The following MSH6 variants were observed in gnomAD, a reference collection of about 807,000 sequenced individuals.
MSH6 encodes the protein DNA mismatch repair protein Msh6.
A neutral mutation model predicts 119.1 loss-of-function variants in MSH6; 85 were observed. That is an observed-to-expected ratio of 0.71 (90% CI 0.60 to 0.85). The LOEUF is 0.85. Ranked by LOEUF, MSH6 falls within the 40% of genes least tolerant of loss-of-function variation. The pLI is 0.00. For synonymous variants in MSH6, 830 were observed against 586.9 expected (o/e 1.41, Z -5.99); for missense variants, 2,163 against 1,655.3 (o/e 1.31, Z -5.32).
chr2:47,804,054 AAATGAGG>A (rs1669796551), intron 5 of MSH6, among the ~76,000 whole-genome samples: 1 of 152,238 alleles, frequency 6.6e-6, no homozygotes. Flanking sequence ...GCAGAAATGC[AAATGAGG>A]TAAGAAAGCA....
intron 1 of MSH6, among the ~76,000 whole-genome samples, chr2:47,788,906 C>CTTTTTT (rs1491155839): frequency 0.019 from 303 of 15,806 alleles, 32 homozygotes; most frequent in South Asian, 0.043. Flanking sequence ...CTTTCTTCTT[C>CTTTTTT]CTTTTTTTTT....
At chr2:47,806,965 T>C, downstream of MSH6, 1 of 911,410 alleles carries the variant, frequency 1.1e-6, no homozygotes, top group Non-Finnish European at 1.8e-6. Context: ...CATTTTTCCA[T>C]TTTCTTTCTA....
rs3136326 is a variant in MSH6 at position 47,797,263 on chromosome 2, T to C, written c.627+1200T>C. 0.075 allele frequency among the ~76,000 whole-genome samples: 11,360 copies of C among 152,306 alleles called. 593 individuals are homozygous for C. The highest frequency in any genetic ancestry group is 0.11 in the Non-Finnish European group (7,649 of 68,030). On this transcript the variant is annotated intron_variant, in intron 3 of 9. Transcript: ENST00000234420. Reference sequence around the variant, plus strand: ...AGCTGCATCCTAAAAGACATTCATCTATAACTAAGCTCAGTTTCATGTTTT... The same window carrying C: ...AGCTGCATCCTAAAAGACATTCATCCATAACTAAGCTCAGTTTCATGTTTT...
chr2:47,798,825 G>T lies in MSH6; in HGVS notation c.842G>T (p.Gly281Val), dbSNP rs773445382. The T allele has an allele frequency of 6.2e-7, 1 of 1,614,198 alleles. No individual in the cohort carries two copies. The highest frequency in any genetic ancestry group is 8.5e-7 in the Non-Finnish European group (1 of 1,180,028). Residue 281 changes from glycine to valine, a missense_variant, in exon 4 of 10, where the codon GGA becomes GTA. Physicochemically the swap from Gly to Val is moderately radical, Grantham distance 109. Coordinates refer to ENST00000234420, the MANE Select transcript of MSH6 (RefSeq NM_000179.3). ...GGAAGCAGTGATGAAATAAGCAGTG[G>T]AGTGGGGGATAGTGAGAGTGAAGGC... The part of the protein sequence containing the change: ...EEGSSDEISS[G>V]VGDSESEGLN...
chr2:47,801,376 T>TTTG (rs1553330566), intron 4 of MSH6: 28 of 482,966 alleles, frequency 5.8e-5, no homozygotes, highest in African/African-American at 5.8e-4. Context: ...TTTTTTTTTT[T>TTTG]TTTTTTTTTT....
At chr2:47,792,509 T>G (rs1228949827) in intron 2 of MSH6, among the ~76,000 whole-genome samples, 1 of 152,188 alleles carries the variant, frequency 6.6e-6, no homozygotes, top group African/African-American at 2.4e-5. Context: ...ACTTGTTTTT[T>G]CTTTTAATCT....
At chr2:47,808,668 T>A (rs1379223072), downstream of MSH6, 1 of 402,794 alleles carries the variant, frequency 2.5e-6, no homozygotes, top group Non-Finnish European at 4.4e-6. Context: ...CTTTCCACTT[T>A]AAAAGCCTCT....
rs1275700361 is a variant in MSH6 at position 47,800,470 on chromosome 2, G to A, written c.2487G>A (p.Gly829=). ...TACTCAGTAAAATTCATAATGTTGG[G>A]TCTCCCCTGAAGAGTCAGAACCACC... ...ERLLSKIHNV[G]SPLKSQNHPD... The change falls in exon 4 of 10, where the codon GGG becomes GGA. Residue 829 remains glycine (G), a synonymous_variant. Transcript: ENST00000234420. 1 of 1,613,506 alleles carries A rather than the reference G, an allele frequency of 6.2e-7. No homozygotes were observed. The highest frequency in any genetic ancestry group is 1.7e-5 in the Admixed American group (1 of 59,958).
At position 47,800,641 on chromosome 2, in the gene MSH6, C is replaced by T. The variant is rs786201051; in HGVS notation, c.2658C>T (p.Ile886=). 1.4e-5 allele frequency: 23 copies of T among 1,614,024 alleles called. No individual in the cohort carries two copies. Among genetic ancestry groups the T allele is most frequent in the Non-Finnish European group, 1.9e-5 (23 of 1,180,030 alleles). The part of the protein sequence containing the change: ...EEVADGFKSK[I]LKQVISLQTK... ...TTGCTGATGGTTTTAAGTCTAAAAT[C>T]CTTAAGCAGGTCATCTCTCTGCAGA... The change falls in exon 4 of 10, where the codon ATC becomes ATT. Residue 886 remains isoleucine (I), a synonymous_variant. Transcript: ENST00000234420.
rs200447622 is a variant in MSH6 at position 47,799,629 on chromosome 2, C to G, written c.1646C>G (p.Ser549Cys). The change falls in exon 4 of 10, where the codon TCT (serine) becomes TGT (cysteine). Residue 549 changes from serine to cysteine, a missense_variant. Transcript: ENST00000234420. ...AGCCTCAAAGAAAAAGAGGAAGATTCTTCTGGCCATACTCGTGCATATGGT... is the reference window on the plus strand; with the variant it reads ...AGCCTCAAAGAAAAAGAGGAAGATTGTTCTGGCCATACTCGTGCATATGGT... ...LLSLKEKEED[S>C]SGHTRAYGVC... 1.9e-6 allele frequency: 3 copies of G among 1,613,966 alleles called. No individual in the cohort carries two copies. The highest frequency in any genetic ancestry group is 2.2e-5 in the East Asian group (1 of 44,892).
chr2:47,803,296 G>T, intron 4 of MSH6, 124 bp from the exon 5 acceptor site: 2 of 1,285,516 alleles, frequency 1.6e-6, no homozygotes, highest in East Asian at 2.4e-5. Flanking sequence ...GGGGGAGATC[G>T]TTGGACTGTA....
chr2:47,803,381 C>T (rs374524212), intron 4 of MSH6, 39 bp from the exon 5 acceptor site: 142 of 1,613,926 alleles, frequency 8.8e-5, no homozygotes, highest in Non-Finnish European at 1.1e-4. Context: ...ATAAAACCCC[C>T]AAACGATGAA....
chr2:47,800,108 T>G lies in MSH6; in HGVS notation c.2125T>G (p.Tyr709Asp), dbSNP rs1669423193. 1 of 1,614,178 alleles carries G rather than the reference T, an allele frequency of 6.2e-7. No individual in the cohort carries two copies. The highest frequency in any genetic ancestry group is 8.5e-7 in the Non-Finnish European group (1 of 1,180,030). ...TTTATCAATGGCTAATTTTGAAGAA[T>G]ATATTCCCTTGGATTCTGACACAGT... ...ELLSMANFEEYIPLDSDTVST... is the reference protein window; with the variant it reads ...ELLSMANFEEDIPLDSDTVST... The change falls in exon 4 of 10, where the codon TAT becomes GAT. Residue 709 changes from tyrosine to aspartate, a missense_variant. By Grantham distance (160) the Tyr-to-Asp change is radical. Transcript: ENST00000234420.
chr2:47,786,523 C>CA (rs1558647899), intron 1 of MSH6, among the ~76,000 whole-genome samples: 2 of 151,904 alleles, frequency 1.3e-5, no homozygotes, highest in African/African-American at 4.8e-5. Flanking sequence ...ATAGTAGAGA[C>CA]GGGTTTCACC....
chr2:47,791,021 T>G lies in MSH6; in HGVS notation c.355T>G (p.Phe119Val), dbSNP rs1558652032. ...LVYNHPFDGTFIREKGKSVRV... is the reference protein window; with the variant it reads ...LVYNHPFDGTVIREKGKSVRV... ...TTACAACCACCCCTTTGATGGAACA[T>G]TCATCCGCGAGAAAGGGAAATCAGT... The change falls in exon 2 of 10, where the codon TTC (phenylalanine) becomes GTC (valine). Residue 119 changes from phenylalanine (F) to valine (V), a missense_variant. Coordinates refer to ENST00000234420, the MANE Select transcript of MSH6 (RefSeq NM_000179.3). The G allele has an allele frequency of 3.1e-6, 5 of 1,614,242 alleles. No homozygotes were observed. The highest frequency in any genetic ancestry group is 4.2e-6 in the Non-Finnish European group (5 of 1,180,030).
In MSH6 at chr2:47,800,644, T is replaced by G. The variant is rs267608069; in HGVS notation, c.2661T>G (p.Leu887=). 5.6e-6 allele frequency: 9 copies of G among 1,614,086 alleles called. No homozygotes were observed. Among genetic ancestry groups the G allele is most frequent in the Non-Finnish European group, 7.6e-6 (9 of 1,180,038 alleles). ...CTGATGGTTTTAAGTCTAAAATCCTTAAGCAGGTCATCTCTCTGCAGACAA... is the reference window on the plus strand; with the variant it reads ...CTGATGGTTTTAAGTCTAAAATCCTGAAGCAGGTCATCTCTCTGCAGACAA... The part of the protein sequence containing the change: ...EVADGFKSKI[L]KQVISLQTKN... Residue 887 remains leucine (L), a synonymous_variant, in exon 4 of 10, where the codon CTT becomes CTG. Coordinates refer to ENST00000234420, the MANE Select transcript of MSH6 (RefSeq NM_000179.3).
At position 47,800,766 on chromosome 2, in the gene MSH6, C is replaced by A. The variant is rs781482454; in HGVS notation, c.2783C>A (p.Thr928Asn). Residue 928 changes from threonine to asparagine, a missense_variant, in exon 4 of 10, where the codon ACT (threonine) becomes AAT (asparagine). By Grantham distance (65) the Thr-to-Asn change is moderately conservative (BLOSUM62 0). Transcript: ENST00000234420. ...AAGGCTCGAAAGACTGGACTTATTA[C>A]TCCCAAAGCAGGCTTTGACTCTGAT... ...HEKARKTGLI[T>N]PKAGFDSDYD... The A allele has an allele frequency of 9.3e-6, 15 of 1,614,178 alleles. No individual in the cohort carries two copies. The highest frequency in any genetic ancestry group is 1.3e-5 in the Non-Finnish European group (15 of 1,180,032).
downstream of MSH6, chr2:47,809,123 C>T (rs778773713): frequency 1.3e-5 from 17 of 1,317,984 alleles, no homozygotes; most frequent in Non-Finnish European, 1.8e-5. Flanking sequence ...AATCAGTCTT[C>T]CTCTTTTCAG....
rs2103928426 is a variant in MSH6 at position 47,783,194 on chromosome 2, C to T, written c.-40C>T. The stretch of plus-strand genomic sequence containing the variant: ...GCGGTAGATGCGGTGCTTTTAGGAG[C>T]TCCGTCCGACAGAACGGTTGGGCCT... On this transcript the variant is annotated 5_prime_UTR_variant, in exon 1 of 10. Transcript: ENST00000234420. The T allele has an allele frequency of 2.5e-6, 4 of 1,608,368 alleles. No homozygotes were observed. In the Middle Eastern group the frequency reaches 5.0e-4, roughly 200 times the overall value.
Sources: allele counts gnomAD v4.1 joint callset (sites outside exome capture counted in the v4.1 genomes callset), GRCh38; gene constraint gnomAD v4.1.1; transcripts MANE v1.5; gene names NCBI Gene and HGNC (gene_info 2026-07-23, HGNC 2026-07-21).